The following DIS3L2 variants were observed in gnomAD, a reference collection of about 807,000 sequenced individuals.
DIS3L2 encodes DIS3-like exonuclease 2.
In DIS3L2, 34 loss-of-function variants were observed where a neutral mutation model predicts 97.5. The ratio of observed to expected loss-of-function variants is 0.35; its 90% CI spans 0.27 to 0.46. The LOEUF (loss-of-function observed/expected upper bound fraction) is 0.46, where lower values mean the gene tolerates loss of function less well. DIS3L2 is among the 20% of genes least tolerant of loss of function. DIS3L2 has a pLI of 1.00. For missense variants in DIS3L2, 1,038 were observed against 1,146.0 expected (o/e 0.91, Z 1.36); for synonymous variants, 435 against 445.2 (o/e 0.98, Z 0.29).
chr2:232,119,955 A>T (rs1697845614), intron 6 of DIS3L2, among the ~76,000 whole-genome samples: 1 of 152,182 alleles, frequency 6.6e-6, no homozygotes. Flanking sequence ...TTCCTTGGGT[A>T]TCAGCTTCCT....
intron 9 of DIS3L2, among the ~76,000 whole-genome samples, chr2:232,203,331 T>C (rs912671569): frequency 6.6e-6 from 1 of 152,188 alleles, no homozygotes; most frequent in Non-Finnish European, 1.5e-5. Flanking sequence ...TTTGCTAATC[T>C]GGAAGTGGTC....
chr2:232,035,187 T>C (rs1309470411), intron 5 of DIS3L2, among the ~76,000 whole-genome samples: 2 of 152,232 alleles, frequency 1.3e-5, no homozygotes, highest in Admixed American at 1.3e-4. Context: ...TGCTCCTGTA[T>C]TGGGTGCATG....
At position 231,987,779 on chromosome 2, in the gene DIS3L2, C is replaced by A. The variant is rs528337061; in HGVS notation, c.-94+26014C>A. 1.1e-4 allele frequency among the ~76,000 whole-genome samples: 16 copies of A among 152,186 alleles called. No individual in the cohort carries two copies. In the East Asian group the frequency reaches 2.1e-3, roughly 20 times the overall value. ...GAAGTGGTAGGGAGAAGAAGTACAC[C>A]AGGTCTGTCATAGTTGTACTTTGGT... On this transcript the variant is annotated intron_variant, in intron 1 of 20. Coordinates refer to ENST00000325385, the MANE Select transcript of DIS3L2 (RefSeq NM_152383.5).
Position 232,269,014 on chromosome 2 carries a change from G to A in DIS3L2, c.1659+5574G>A, listed in dbSNP as rs981305424. Among the ~76,000 whole-genome samples the A allele has an allele frequency of 2.6e-5, 4 of 152,216 alleles. No homozygotes were observed. Among genetic ancestry groups the A allele is most frequent in the Non-Finnish European group, 5.9e-5 (4 of 68,044 alleles). ...GGCAGGTCGCTTTAATTAGCCTGAAGCAAAAGGAGCAGGGGTTCTCATTTC... is the reference window on the plus strand; with the variant it reads ...GGCAGGTCGCTTTAATTAGCCTGAAACAAAAGGAGCAGGGGTTCTCATTTC... On this transcript the variant is annotated intron_variant, in intron 13 of 20. Transcript: ENST00000325385. This position sits in a 1 kb window ranked among gnomAD's most constrained non-coding sequence, Gnocchi z 4.5.
intron 5 of DIS3L2, among the ~76,000 whole-genome samples, chr2:232,085,330 T>C (rs1696541675): frequency 6.6e-6 from 1 of 152,222 alleles, no homozygotes; most frequent in Non-Finnish European, 1.5e-5. Flanking sequence ...CCTAGAACAG[T>C]TTCTGGCACC....
chr2:232,308,127 T>G (rs1695033439), intron 14 of DIS3L2, among the ~76,000 whole-genome samples: 1 of 152,240 alleles, frequency 6.6e-6, no homozygotes, highest in Non-Finnish European at 1.5e-5. Context: ...TCACGCTGCT[T>G]GGCAGGTCAC....
At chr2:232,126,481 T>C (rs1698067262) in intron 6 of DIS3L2, among the ~76,000 whole-genome samples, 1 of 152,208 alleles carries the variant, frequency 6.6e-6, no homozygotes, top group Non-Finnish European at 1.5e-5. Flanking sequence ...ACCTCTGGCC[T>C]CCAGGACCAG....
intron 1 of DIS3L2, among the ~76,000 whole-genome samples, chr2:231,971,732 C>T (rs1473317024): frequency 2.0e-5 from 3 of 151,938 alleles, no homozygotes; most frequent in Non-Finnish European, 2.9e-5. Context: ...AGGCGTGAGC[C>T]ACCGCACCCT....
At position 232,336,509 on chromosome 2, in the gene DIS3L2, CAG is replaced by C; in HGVS notation, c.2540_2541del (p.Glu847ValfsTer22). 1 of 1,611,236 alleles carries C rather than the reference CAG, an allele frequency of 6.2e-7. No homozygotes were observed. On this transcript the variant is annotated frameshift_variant, in exon 21 of 21. Coordinates refer to ENST00000325385, the MANE Select transcript of DIS3L2 (RefSeq NM_152383.5). LOFTEE classifies it low-confidence loss of function (END_TRUNC). ...AGCCTGGTGGAGGTGGTCCTGCAGG[CAG>C]AGTCCACAGCCCTCAAGTACAGCGC... is the stretch of plus-strand genomic sequence containing the variant.
chr2:232,041,573 T>C (rs979258131), intron 5 of DIS3L2, among the ~76,000 whole-genome samples: 3 of 152,114 alleles, frequency 2.0e-5, no homozygotes, highest in African/African-American at 4.8e-5. Flanking sequence ...ATTCTGAAAC[T>C]TTTTTTGGTT....
At chr2:232,046,563 C>G (rs9636348) in intron 5 of DIS3L2, among the ~76,000 whole-genome samples, 2,144 of 152,230 alleles carry the variant, frequency 0.014, 23 homozygotes, top group Non-Finnish European at 0.021. Context: ...TGCAGTGTAA[C>G]TTGTTGGGGC....
intron 14 of DIS3L2, among the ~76,000 whole-genome samples, chr2:232,317,550 C>T (rs1695309100): frequency 6.6e-6 from 1 of 152,108 alleles, no homozygotes; most frequent in African/African-American, 2.4e-5. Context: ...GATTCATGTG[C>T]CTCAGCCTCC....
intron 14 of DIS3L2, among the ~76,000 whole-genome samples, chr2:232,328,203 A>T (rs751169708): frequency 4.6e-5 from 7 of 152,134 alleles, no homozygotes; most frequent in Non-Finnish European, 1.0e-4. Context: ...GGCAGGCTGA[A>T]GCTTGATCCT....
At chr2:232,265,472 A>G (rs1296487519) in intron 13 of DIS3L2, among the ~76,000 whole-genome samples, 5 of 152,176 alleles carry the variant, frequency 3.3e-5, no homozygotes, top group Non-Finnish European at 1.5e-5. Flanking sequence ...TTCCCTCTGT[A>G]AAACGCAGTG....
intron 7 of DIS3L2, 97 bp downstream of exon 7, chr2:232,130,816 A>G (rs1698195521): frequency 7.1e-7 from 1 of 1,416,228 alleles, no homozygotes; most frequent in Non-Finnish European, 9.3e-7. Flanking sequence ...GTATTTGGTC[A>G]TTTAATCAGA....
chr2:232,288,929 T>G (rs1217126475), intron 13 of DIS3L2, among the ~76,000 whole-genome samples: 1 of 152,194 alleles, frequency 6.6e-6, no homozygotes, highest in African/African-American at 2.4e-5. Flanking sequence ...ATTTAAATAA[T>G]AGAAAGACAG....
chr2:232,296,846 C>T (rs1402019034), intron 13 of DIS3L2, among the ~76,000 whole-genome samples: 1 of 152,186 alleles, frequency 6.6e-6, no homozygotes, highest in African/African-American at 2.4e-5. Context: ...CATGACTGCT[C>T]TTCTGTTCCA....
intron 5 of DIS3L2, among the ~76,000 whole-genome samples, chr2:232,052,451 A>G (rs1321261922): frequency 6.6e-6 from 1 of 152,218 alleles, no homozygotes; most frequent in Non-Finnish European, 1.5e-5. Context: ...AGTTAGTACC[A>G]GCTCAGACTG....
At chr2:232,290,238 G>A (rs1356194538) in intron 13 of DIS3L2, among the ~76,000 whole-genome samples, 2 of 152,244 alleles carry the variant, frequency 1.3e-5, no homozygotes, top group Non-Finnish European at 2.9e-5. Context: ...GACACACGCA[G>A]ACTTGCTCAT....
Sources: gnomAD v4.1 joint callset for allele counts (sites outside exome capture counted in the v4.1 genomes callset) on GRCh38, gnomAD v4.1.1 for gene constraint, Gnocchi (gnomAD v3.1) non-coding constraint, MANE v1.5 for transcripts, NCBI Gene and HGNC (gene_info 2026-07-23, HGNC 2026-07-21) for gene names.